The following MSN variants were observed in gnomAD, a reference collection of about 807,000 sequenced individuals.
MSN encodes epididymis luminal protein 70.
In MSN, 2 loss-of-function variants were observed where a neutral mutation model predicts 48.0. The ratio of observed to expected loss-of-function variants is 0.04; its 90% CI spans 0.02 to 0.13. MSN has a LOEUF of 0.13. MSN is among the 10% of genes least tolerant of loss of function. The pLI is 1.00. For synonymous variants in MSN, 146 were observed against 166.9 expected, an observed-to-expected ratio of 0.87 and a Z score of 0.97; for missense variants, 267 against 470.1, an observed-to-expected ratio of 0.57 and a Z score of 3.99.
At chrX:65,641,594 A>G (rs1158954365) in intron 1 of MSN, among the ~76,000 whole-genome samples, 1 of 62,425 alleles carries the variant, frequency 1.6e-5, no homozygotes, top group Non-Finnish European at 2.8e-5. Context: ...ATATATATAT[A>G]TATATATTTT....
At chrX:65,617,956 C>T (rs1189248534) in intron 1 of MSN, among the ~76,000 whole-genome samples, 6 of 108,323 alleles carry the variant, frequency 5.5e-5, no homozygotes, top group Non-Finnish European at 7.7e-5. Flanking sequence ...GCCTTCATTT[C>T]GTTATGTACC....
At chrX:65,645,815 T>C (rs2070690919) in intron 1 of MSN, among the ~76,000 whole-genome samples, 1 of 111,617 alleles carries the variant, frequency 9.0e-6, no homozygotes, top group Non-Finnish European at 1.9e-5. Context: ...CTCTTCCTTC[T>C]GCTCCGCAAG....
chrX:65,613,092 T>C (rs1217762829), intron 1 of MSN, among the ~76,000 whole-genome samples: 1 of 111,443 alleles, frequency 9.0e-6, no homozygotes, highest in African/African-American at 3.3e-5. Flanking sequence ...GTTCTCATTG[T>C]TCAATTCCCA....
intron 1 of MSN, among the ~76,000 whole-genome samples, chrX:65,700,238 A>T (rs1421783267): frequency 8.9e-6 from 1 of 112,061 alleles, no homozygotes; most frequent in East Asian, 2.8e-4. Context: ...TGAGGTAGGC[A>T]TTATTACTCC....
intron 1 of MSN, among the ~76,000 whole-genome samples, chrX:65,616,081 C>A (rs1443682370): frequency 9.0e-5 from 10 of 111,287 alleles, no homozygotes; most frequent in African/African-American, 2.9e-4. Flanking sequence ...GTTTTGGTAC[C>A]AGTACCATGC....
chrX:65,601,437 A>G (rs1373111806), intron 1 of MSN, among the ~76,000 whole-genome samples: 1 of 112,362 alleles, frequency 8.9e-6, no homozygotes, highest in Non-Finnish European at 1.9e-5. Context: ...AATCTCCATT[A>G]AAAGAAGTAG....
At chrX:65,692,507 G>T (rs1233914906) in intron 1 of MSN, among the ~76,000 whole-genome samples, 1 of 112,636 alleles carries the variant, frequency 8.9e-6, no homozygotes, top group African/African-American at 3.2e-5. Context: ...AAAGTAGAAT[G>T]TGAAAAGAGA....
intron 1 of MSN, among the ~76,000 whole-genome samples, chrX:65,594,546 G>T (rs935145263): frequency 9.0e-6 from 1 of 111,108 alleles, no homozygotes; most frequent in Non-Finnish European, 1.9e-5. Flanking sequence ...TTGGGTAGGG[G>T]CAGAGAAGCA....
At chrX:65,689,779 CT>C (rs1479314152) in intron 1 of MSN, among the ~76,000 whole-genome samples, 1 of 112,046 alleles carries the variant, frequency 8.9e-6, no homozygotes, top group Non-Finnish European at 1.9e-5. Context: ...AGGACTGGTC[CT>C]TTAGAGAAAG....
chrX:65,667,948 C>A, intron 1 of MSN, 95 bp downstream of exon 1: 1 of 967,056 alleles, frequency 1.0e-6, no homozygotes, highest in Non-Finnish European at 1.4e-6. Context: ...GCCACCGGCC[C>A]GCCTGGGACG....
At chrX:65,692,468 A>C (rs1033501861) in intron 1 of MSN, among the ~76,000 whole-genome samples, 2 of 112,480 alleles carry the variant, frequency 1.8e-5, no homozygotes, top group African/African-American at 3.2e-5. Flanking sequence ...TAACTTTCAG[A>C]TAAAACCTTT....
chrX:65,646,512 C>T (rs1272118557), intron 1 of MSN, among the ~76,000 whole-genome samples: 2 of 111,482 alleles, frequency 1.8e-5, no homozygotes, highest in African/African-American at 6.5e-5. Context: ...AGTTCTATAT[C>T]CCCCATCTCA....
At chrX:65,652,931 C>T (rs1288509907) in intron 1 of MSN, among the ~76,000 whole-genome samples, 1 of 111,946 alleles carries the variant, frequency 8.9e-6, no homozygotes, top group Admixed American at 9.5e-5. Flanking sequence ...AAGGACCATG[C>T]TCTAAGATTC....
chrX:65,610,076 G>A (rs1319337383), intron 1 of MSN, among the ~76,000 whole-genome samples: 1 of 110,732 alleles, frequency 9.0e-6, no homozygotes, highest in Non-Finnish European at 1.9e-5. Flanking sequence ...TTTCCTTTTT[G>A]GTATTTTTTT....
At chrX:65,665,031 T>C (rs891072981), upstream of MSN, among the ~76,000 whole-genome samples, 5 of 110,597 alleles carry the variant, frequency 4.5e-5, no homozygotes, top group African/African-American at 9.9e-5. Flanking sequence ...ATTACAGGTG[T>C]GAGCCACCAC....
chrX:65,596,971 C>G (rs1482068266), intron 1 of MSN, among the ~76,000 whole-genome samples: 1 of 112,148 alleles, frequency 8.9e-6, no homozygotes, highest in Non-Finnish European at 1.9e-5. Flanking sequence ...TAAGTCACCA[C>G]TCTGCCCATT....
At chrX:65,653,758 C>A (rs1056610218) in intron 1 of MSN, among the ~76,000 whole-genome samples, 1 of 110,548 alleles carries the variant, frequency 9.0e-6, no homozygotes, top group Middle Eastern at 4.2e-3. Context: ...TAGCTATGAC[C>A]ACACTTTTTC....
chrX:65,597,962 G>C (rs1057380132), intron 1 of MSN, among the ~76,000 whole-genome samples: 1 of 111,609 alleles, frequency 9.0e-6, no homozygotes, highest in Non-Finnish European at 1.9e-5. Context: ...CGCTGGGCCT[G>C]TTATGAGACC....
At chrX:65,616,406 T>A (rs1449757832) in intron 1 of MSN, among the ~76,000 whole-genome samples, 1 of 88,211 alleles carries the variant, frequency 1.1e-5, no homozygotes, top group Admixed American at 1.4e-4. Flanking sequence ...TAGTTCTCCT[T>A]GAAGAGGTCC....
Sources: gnomAD v4.1 joint callset for allele counts (sites outside exome capture counted in the v4.1 genomes callset) on GRCh38, gnomAD v4.1.1 for gene constraint, MANE v1.5 for transcripts, NCBI Gene and HGNC (gene_info 2026-07-23, HGNC 2026-07-21) for gene names.